Variants in PARVB observed in about 807,000 individuals in gnomAD.
The protein encoded by PARVB is beta-parvin.
Under a neutral mutation model 47.0 loss-of-function variants are expected in PARVB, and 46 were observed. That is an observed-to-expected ratio of 0.98 (90% confidence interval 0.77 to 1.25). PARVB has a LOEUF of 1.25. Ranked by LOEUF, PARVB falls within the 50% of genes most tolerant of loss-of-function variation. The pLI is 0.00. For synonymous variants in PARVB, 196 were observed against 196.3 expected, an observed-to-expected ratio of 1.00 and a Z score of 0.01; for missense variants, 473 against 471.6, an observed-to-expected ratio of 1.00 and a Z score of -0.03.
intron 2 of PARVB, among the ~76,000 whole-genome samples, chr22:44,005,384 A>T (rs1248565709): frequency 1.4e-5 from 2 of 148,112 alleles, no homozygotes; most frequent in Non-Finnish European, 3.0e-5. Flanking sequence ...AAGTGCTGAG[A>T]TTACATGTAT....
chr22:44,031,981 A>C (rs1442326005), intron 1 of PARVB, among the ~76,000 whole-genome samples: 3 of 152,140 alleles, frequency 2.0e-5, no homozygotes, highest in Admixed American at 2.0e-4. Flanking sequence ...TTCAGGTGAA[A>C]AATTGGTTTA....
At position 44,127,084 on chromosome 22, in the gene PARVB, A is replaced by G. The variant is rs117969722; in HGVS notation, c.377-4403A>G. On this transcript the variant is annotated intron_variant, in intron 4 of 12. Transcript: ENST00000338758. ...GCTGTGATTGTCCATGAGTCCTGCTATATCAGTTGTGTTATCCATAAAGTA... is the reference window on the plus strand; with the variant it reads ...GCTGTGATTGTCCATGAGTCCTGCTGTATCAGTTGTGTTATCCATAAAGTA... Among the ~76,000 whole-genome samples the G allele has an allele frequency of 3.5e-3, 530 of 152,316 alleles. 6 individuals are homozygous for G. Among genetic ancestry groups the G allele is most frequent in the Admixed American group, 5.5e-3 (84 of 15,296 alleles).
chr22:44,076,488 G>T, intron 1 of PARVB, among the ~76,000 whole-genome samples: 1 of 152,206 alleles, frequency 6.6e-6, no homozygotes. Flanking sequence ...AGGGGTTCTG[G>T]TAAGATACAG....
intron 1 of PARVB, chr22:44,026,470 G>A (rs1411457287): frequency 6.9e-6 from 3 of 431,718 alleles, no homozygotes; most frequent in African/African-American, 6.4e-5. Context: ...AGGAATTGAG[G>A]GACAGGCTGG....
chr22:44,097,750 C>T (rs763969868), intron 2 of PARVB, among the ~76,000 whole-genome samples: 3 of 152,328 alleles, frequency 2.0e-5, no homozygotes, highest in Admixed American at 6.5e-5. Flanking sequence ...CCCACTGTTC[C>T]CCTCTAGGCG....
chr22:44,021,756 G>GACACACACACACAC (rs1315040117), upstream of PARVB, among the ~76,000 whole-genome samples: 3 of 105,000 alleles, frequency 2.9e-5, no homozygotes, highest in Non-Finnish European at 5.9e-5. Flanking sequence ...GTAAAGTCTA[G>GACACACACACACAC]ACTCACACAC....
At position 44,155,424 on chromosome 22, in the gene PARVB, C is replaced by T. The variant is rs981536303; in HGVS notation, c.844-2558C>T. On this transcript the variant is annotated intron_variant, in intron 10 of 12. Coordinates refer to ENST00000338758, the MANE Select transcript of PARVB (RefSeq NM_013327.5). This position sits in a 1 kb window ranked among gnomAD's most constrained non-coding sequence, Gnocchi z 4.8. The stretch of plus-strand genomic sequence containing the variant: ...GGAGGGTCACCCGCTCGCAGCTGGG[C>T]CCCCCAGCCCTGCCCTCTCCTTGTG... 3.3e-5 allele frequency among the ~76,000 whole-genome samples: 5 copies of T among 152,146 alleles called. No individual in the cohort carries two copies. Among genetic ancestry groups the T allele is most frequent in the Non-Finnish European group, 4.4e-5 (3 of 68,012 alleles).
At chr22:44,032,912 CCAG>C in intron 1 of PARVB, among the ~76,000 whole-genome samples, 1 of 152,306 alleles carries the variant, frequency 6.6e-6, no homozygotes, top group Admixed American at 6.5e-5. Context: ...GGAGCCTTTT[CCAG>C]CTCTAGTGCT....
At chr22:43,999,466 G>A in intron 1 of PARVB, 1 of 1,572,954 alleles carries the variant, frequency 6.4e-7, no homozygotes, top group Non-Finnish European at 8.7e-7. Flanking sequence ...GTACTCAGAA[G>A]TCCAAATTTC....
chr22:44,148,828 G>C (rs576819034), intron 9 of PARVB: 2 of 152,276 alleles, frequency 1.3e-5, no homozygotes, highest in African/African-American at 4.8e-5. Context: ...TGTTGGCCTG[G>C]GTTTGGACGA....
intron 1 of PARVB, among the ~76,000 whole-genome samples, chr22:44,030,501 A>G (rs1275288808): frequency 1.3e-5 from 2 of 152,206 alleles, no homozygotes. Context: ...CCACAAACAC[A>G]GGAGCTTGGA....
intron 4 of PARVB, among the ~76,000 whole-genome samples, chr22:44,130,853 A>G (rs1174855167): frequency 6.6e-6 from 1 of 151,988 alleles, no homozygotes; most frequent in East Asian, 1.9e-4. Flanking sequence ...ATCCTTAACT[A>G]TTCTTCCCTT....
chr22:44,043,573 T>C (rs2051060277), intron 1 of PARVB, among the ~76,000 whole-genome samples: 1 of 152,092 alleles, frequency 6.6e-6, no homozygotes, highest in African/African-American at 2.4e-5. Context: ...GAGACAGGGT[T>C]TCACCATGTT....
intron 1 of PARVB, among the ~76,000 whole-genome samples, chr22:44,093,442 T>C (rs531582584): frequency 2.0e-5 from 3 of 152,332 alleles, no homozygotes; most frequent in African/African-American, 7.2e-5. Context: ...CCTGTGAATG[T>C]GGCCATCACC....
At chr22:44,108,841 T>A (rs1224849744) in intron 3 of PARVB, 1 of 152,202 alleles carries the variant, frequency 6.6e-6, no homozygotes, top group African/African-American at 2.4e-5. Flanking sequence ...TCAGTTAATT[T>A]AGGCCATCTG....
At chr22:44,003,672 A>G (rs772671183) in intron 2 of PARVB, among the ~76,000 whole-genome samples, 1 of 152,120 alleles carries the variant, frequency 6.6e-6, no homozygotes, top group Non-Finnish European at 1.5e-5. Context: ...GGAGCAGGAA[A>G]CCTTGTGTTG....
At chr22:44,099,947 G>T in intron 2 of PARVB, 106 bp from the exon 3 acceptor site, 1 of 904,526 alleles carries the variant, frequency 1.1e-6, no homozygotes, top group Admixed American at 1.8e-5. Context: ...CTAGTGCTGG[G>T]TTCTCTGCTT....
chr22:44,122,546 GAGAGAGACAC>G (rs2053084507), intron 4 of PARVB, among the ~76,000 whole-genome samples: 12 of 94,504 alleles, frequency 1.3e-4, no homozygotes, highest in African/African-American at 4.8e-4. Flanking sequence ...GAGAGAGAGA[GAGAGAGACAC>G]AGAGACAGAG....
At chr22:44,082,458 G>A (rs909230683) in intron 1 of PARVB, among the ~76,000 whole-genome samples, 1 of 152,192 alleles carries the variant, frequency 6.6e-6, no homozygotes, top group African/African-American at 2.4e-5. Flanking sequence ...GGTGGAGGTT[G>A]CAGTGAGCCA....
Sources: gnomAD v4.1 joint callset for allele counts (sites outside exome capture counted in the v4.1 genomes callset) on GRCh38, gnomAD v4.1.1 for gene constraint, Gnocchi (gnomAD v3.1) non-coding constraint, MANE v1.5 for transcripts, NCBI Gene and HGNC (gene_info 2026-07-23, HGNC 2026-07-21) for gene names.